The following BPIFB1 variants were observed in gnomAD, a reference collection of about 807,000 sequenced individuals.
BPIFB1 encodes BPI fold-containing family B member 1.
In BPIFB1, 34 loss-of-function variants were observed where a neutral mutation model predicts 55.1. The observed-to-expected ratio is 0.62, with a 90% CI of 0.47 to 0.82. The LOEUF (loss-of-function observed/expected upper bound fraction) is 0.82, where lower values mean the gene tolerates loss of function less well. Among genes scored for constraint, BPIFB1 ranks in the 40% least tolerant of loss-of-function variants. The pLI is 0.00. For missense variants in BPIFB1, 532 were observed against 593.1 expected, an observed-to-expected ratio of 0.90 and a Z score of 1.07; for synonymous variants, 236 against 245.3, an observed-to-expected ratio of 0.96 and a Z score of 0.35.
chr20:33,301,066 G>A (rs1335361469), intron 8 of BPIFB1, among the ~76,000 whole-genome samples, 167 bp from the exon 9 acceptor site: 1 of 152,192 alleles, frequency 6.6e-6, no homozygotes, highest in Non-Finnish European at 1.5e-5. Context: ...TTATCCGAGG[G>A]GCAAAGATGG....
At chr20:33,300,047 A>T in intron 8 of BPIFB1, 63 bp downstream of exon 8, 1 of 1,400,238 alleles carries the variant, frequency 7.1e-7, no homozygotes, top group Non-Finnish European at 1.0e-6. Context: ...GACCACCAGG[A>T]GTCAGATAGC....
At chr20:33,297,445 G>T in intron 6 of BPIFB1, 80 bp from the exon 7 acceptor site, 1 of 1,485,556 alleles carries the variant, frequency 6.7e-7, no homozygotes, top group Non-Finnish European at 9.4e-7. Context: ...CAGGCCAGGT[G>T]GGCTGGGCAC....
intron 15 of BPIFB1, among the ~76,000 whole-genome samples, chr20:33,308,522 T>G (rs1213249785): frequency 7.3e-6 from 1 of 137,262 alleles, no homozygotes; most frequent in African/African-American, 2.9e-5. Flanking sequence ...ACATACACCT[T>G]TATACACATA....
intron 14 of BPIFB1, 72 bp from the exon 15 acceptor site, chr20:33,306,839 A>G (rs1600670832): frequency 1.5e-6 from 2 of 1,322,868 alleles, no homozygotes; most frequent in Non-Finnish European, 2.2e-6. Flanking sequence ...CCCTTCAGGA[A>G]CCCTGAGCCT....
rs758757008 is a variant in BPIFB1 at position 33,297,582 on chromosome 20, G to C, written c.655G>C (p.Val219Leu). The C allele has an allele frequency of 3.1e-6, 5 of 1,614,186 alleles. No homozygotes were observed. The South Asian group carries it at 5.5e-5, about 18-fold the overall frequency. ...NGMYADLLQL[V>L]KVPISLSIDR... The stretch of plus-strand genomic sequence containing the variant: ...CATGTATGCAGACCTCCTGCAGCTG[G>C]TGAAGGGTAGGTGCTCTGCTCTCTC... Residue 219 changes from valine to leucine, a missense_variant, in exon 7 of 16, where the codon GTG becomes CTG. Transcript: ENST00000253354.
chr20:33,304,815 G>A (rs3795248), intron 12 of BPIFB1, 31 bp from the exon 13 acceptor site: 3 of 1,613,994 alleles, frequency 1.9e-6, no homozygotes, highest in East Asian at 2.2e-5. Flanking sequence ...GGGACTTCAG[G>A]GGCCGCTCTC....
intron 7 of BPIFB1, among the ~76,000 whole-genome samples, chr20:33,297,978 G>A (rs888480890): frequency 2.6e-5 from 4 of 152,150 alleles, no homozygotes; most frequent in African/African-American, 9.7e-5. Context: ...GGAAAGTTCT[G>A]GGCACATAGC....
intron 6 of BPIFB1, 102 bp from the exon 7 acceptor site, chr20:33,297,423 A>G: frequency 7.8e-7 from 1 of 1,276,828 alleles, no homozygotes; most frequent in East Asian, 2.3e-5. Context: ...CCATGGGCAC[A>G]GCAGTAGGAC....
chr20:33,294,476 G>A (rs144470246), intron 6 of BPIFB1, among the ~76,000 whole-genome samples: 2 of 152,266 alleles, frequency 1.3e-5, no homozygotes, highest in South Asian at 2.1e-4. Flanking sequence ...TATCCAGGGA[G>A]TTTTTTAAAG....
chr20:33,306,340 T>G lies in BPIFB1; in HGVS notation c.1318+275T>G, dbSNP rs111809757. ...GACAATGAGAGCAATGACAGAGGTG[T>G]AAGAGACAACTGGAGGCGCCTCAGC... On this transcript the variant is annotated intron_variant, in intron 14 of 15. Coordinates refer to ENST00000253354, the MANE Select transcript of BPIFB1 (RefSeq NM_033197.3). 6.4e-3 allele frequency among the ~76,000 whole-genome samples: 968 copies of G among 152,272 alleles called. 13 individuals carry two copies. The highest frequency in any genetic ancestry group is 0.021 in the African/African-American group (884 of 41,558).
Position 33,297,534 on chromosome 20 carries a change from G to T in BPIFB1, c.607G>T (p.Val203Leu), listed in dbSNP as rs45473499. ...GCTTATGCTGTTGCAGCTGTGTCCC[G>T]TGATCGAGGCTTCCTTCAATGGCAT... The part of the protein sequence containing the change: ...PNLVKNQLCP[V>L]IEASFNGMYA... Residue 203 changes from valine to leucine, a missense_variant, in exon 7 of 16, where the codon GTG becomes TTG. Physicochemically the swap from Val to Leu is conservative, Grantham distance 32. Coordinates refer to ENST00000253354, the MANE Select transcript of BPIFB1 (RefSeq NM_033197.3). The T allele has an allele frequency of 6.2e-7, 1 of 1,614,184 alleles. No individual in the cohort carries two copies. The highest frequency in any genetic ancestry group is 8.5e-7 in the Non-Finnish European group (1 of 1,180,024).
intron 7 of BPIFB1, among the ~76,000 whole-genome samples, 182 bp from the exon 8 acceptor site, chr20:33,299,717 G>A (rs751058186): frequency 2.0e-5 from 3 of 152,100 alleles, no homozygotes; most frequent in Non-Finnish European, 2.9e-5. Flanking sequence ...GGCACTTAGT[G>A]GATGCTCGAT....
At chr20:33,299,823 C>T in intron 7 of BPIFB1, 76 bp from the exon 8 acceptor site, 1 of 1,255,670 alleles carries the variant, frequency 8.0e-7, no homozygotes, top group Admixed American at 1.7e-5. Context: ...ACAGCTCCAC[C>T]TGGAAGCAGC....
intron 8 of BPIFB1, among the ~76,000 whole-genome samples, 172 bp from the exon 9 acceptor site, chr20:33,301,061 C>T (rs1311871562): frequency 3.9e-5 from 6 of 152,256 alleles, no homozygotes; most frequent in East Asian, 3.9e-4. Flanking sequence ...AGAGATTATC[C>T]GAGGGGCAAA....
At chr20:33,303,225 C>A (rs1308585010) in intron 11 of BPIFB1, 151 bp downstream of exon 11, 2 of 934,880 alleles carry the variant, frequency 2.1e-6, no homozygotes, top group East Asian at 2.6e-5. Context: ...GAGCCAGGAG[C>A]TTTGTGGGTC....
At chr20:33,297,703 A>G in intron 7 of BPIFB1, 115 bp downstream of exon 7, 1 of 1,072,948 alleles carries the variant, frequency 9.3e-7, no homozygotes, top group South Asian at 1.3e-5. Context: ...ACTCAGGCCC[A>G]GAAGCAGGTG....
chr20:33,301,656 A>C (rs1256075177), intron 9 of BPIFB1, among the ~76,000 whole-genome samples: 2 of 152,182 alleles, frequency 1.3e-5, no homozygotes, highest in Non-Finnish European at 2.9e-5. Context: ...ACCAAATAAC[A>C]GTCTCGTGAA....
At chr20:33,288,689 C>G in intron 2 of BPIFB1, 52 bp from the exon 3 acceptor site, 1 of 1,592,266 alleles carries the variant, frequency 6.3e-7, no homozygotes, top group South Asian at 1.1e-5. Context: ...TCCCACCAAG[C>G]CTTCCTTCTT....
At chr20:33,295,918 G>A (rs1980638348) in intron 6 of BPIFB1, among the ~76,000 whole-genome samples, 1 of 131,090 alleles carries the variant, frequency 7.6e-6, no homozygotes, top group Non-Finnish European at 1.6e-5. Context: ...AAGGGGAAGG[G>A]AAAGGGAAGG....
Sources: gnomAD v4.1 joint callset for allele counts (sites outside exome capture counted in the v4.1 genomes callset) on GRCh38, gnomAD v4.1.1 for gene constraint, MANE v1.5 for transcripts, NCBI Gene and HGNC (gene_info 2026-07-23, HGNC 2026-07-21) for gene names.